Variants in ASAP2 observed in about 807,000 individuals in gnomAD.
ASAP2 encodes arf-GAP with SH3 domain, ANK repeat and PH domain-containing protein 2.
In ASAP2, 45 loss-of-function variants were observed where a neutral mutation model predicts 131.4. The ratio of observed to expected loss-of-function variants is 0.34; its 90% CI spans 0.27 to 0.44. The LOEUF is 0.44. Among genes scored for constraint, ASAP2 ranks in the 20% least tolerant of loss-of-function variants. The pLI is 1.00. For synonymous variants in ASAP2, 510 were observed against 503.0 expected, an observed-to-expected ratio of 1.01 and a Z score of -0.19; for missense variants, 1,011 against 1,297.0, an observed-to-expected ratio of 0.78 and a Z score of 3.39.
chr2:9,271,503 CT>C, intron 1 of ASAP2: 1 of 1,443,274 alleles, frequency 6.9e-7, no homozygotes, highest in Non-Finnish European at 9.8e-7. Flanking sequence ...TAGTAAGGGC[CT>C]TCCTGCCGTT....
chr2:9,219,354 G>C (rs978772767), intron 1 of ASAP2, among the ~76,000 whole-genome samples: 1 of 152,174 alleles, frequency 6.6e-6, no homozygotes, highest in Non-Finnish European at 1.5e-5. Context: ...TTAGGAGAGC[G>C]GGATTGGAGT....
At chr2:9,298,402 G>C (rs1160785850) in intron 3 of ASAP2, among the ~76,000 whole-genome samples, 1 of 152,194 alleles carries the variant, frequency 6.6e-6, no homozygotes, top group Non-Finnish European at 1.5e-5. Context: ...GAGCACTCGG[G>C]CCCTTGCTCT....
At chr2:9,371,936 G>A (rs1228173011) in intron 16 of ASAP2, among the ~76,000 whole-genome samples, 1 of 152,140 alleles carries the variant, frequency 6.6e-6, no homozygotes. Flanking sequence ...CTAACACGGT[G>A]AAACCCCATC....
intron 1 of ASAP2, among the ~76,000 whole-genome samples, chr2:9,252,835 G>A (rs1301338068): frequency 7.0e-6 from 1 of 143,704 alleles, no homozygotes; most frequent in Non-Finnish European, 1.5e-5. Context: ...AGAATGGCAT[G>A]AACCCAGGAG....
chr2:9,357,226 C>G (rs1672771094), intron 14 of ASAP2, among the ~76,000 whole-genome samples: 1 of 151,394 alleles, frequency 6.6e-6, no homozygotes, highest in African/African-American at 2.4e-5. Flanking sequence ...TGCCTGTAAT[C>G]CCGGCACTTT....
At chr2:9,293,897 C>T (rs1026599931) in intron 2 of ASAP2, among the ~76,000 whole-genome samples, 11 of 151,994 alleles carry the variant, frequency 7.2e-5, no homozygotes, top group African/African-American at 2.7e-4. Flanking sequence ...AAACGTAAAT[C>T]CATGAGATGA....
intron 1 of ASAP2, among the ~76,000 whole-genome samples, chr2:9,278,630 C>T (rs535572851): frequency 5.3e-5 from 8 of 152,246 alleles, no homozygotes; most frequent in South Asian, 2.1e-4. Context: ...ACTGTTTGAG[C>T]GCCTCCTATG....
intron 20 of ASAP2, among the ~76,000 whole-genome samples, chr2:9,384,850 C>G (rs1675140071): frequency 1.3e-5 from 2 of 152,204 alleles, no homozygotes; most frequent in Non-Finnish European, 2.9e-5. Flanking sequence ...GTGAGACCCT[C>G]TCTGGGGAGG....
At chr2:9,226,112 G>A (rs935777351) in intron 1 of ASAP2, among the ~76,000 whole-genome samples, 3 of 152,358 alleles carry the variant, frequency 2.0e-5, no homozygotes, top group Admixed American at 6.5e-5. Flanking sequence ...CCTGGGGCAC[G>A]TAAGAGGGGC....
intron 1 of ASAP2, among the ~76,000 whole-genome samples, chr2:9,236,832 G>C (rs1472450154): frequency 6.6e-6 from 1 of 151,818 alleles, no homozygotes; most frequent in African/African-American, 2.4e-5. Flanking sequence ...CTCCTTTCCT[G>C]TGTTGGAGCA....
intron 15 of ASAP2, among the ~76,000 whole-genome samples, chr2:9,360,925 T>C (rs1303269975): frequency 5.9e-5 from 9 of 152,232 alleles, no homozygotes; most frequent in Non-Finnish European, 1.0e-4. Flanking sequence ...CCATCTGTTA[T>C]AATTTTTTAA....
chr2:9,289,162 G>T (rs537577328), intron 2 of ASAP2, among the ~76,000 whole-genome samples: 1 of 152,160 alleles, frequency 6.6e-6, no homozygotes, highest in Non-Finnish European at 1.5e-5. Context: ...GAAGCCTTTT[G>T]GCTGCTCTCC....
intron 6 of ASAP2, among the ~76,000 whole-genome samples, chr2:9,326,149 G>A (rs1670462104): frequency 6.6e-6 from 1 of 152,212 alleles, no homozygotes; most frequent in Non-Finnish European, 1.5e-5. Flanking sequence ...GGGAGGCTGA[G>A]GTGGGAGGAT....
chr2:9,284,177 G>A (rs1393659303), intron 2 of ASAP2, among the ~76,000 whole-genome samples: 1 of 152,178 alleles, frequency 6.6e-6, no homozygotes, highest in Non-Finnish European at 1.5e-5. Flanking sequence ...CAAGTTCCAG[G>A]GATTAGGAGG....
chr2:9,373,984 T>A (rs530379845), intron 16 of ASAP2, among the ~76,000 whole-genome samples: 22 of 152,364 alleles, frequency 1.4e-4, no homozygotes, highest in African/African-American at 5.3e-4. Context: ...CTCATGGTGC[T>A]ACTGTGAGGA....
intron 2 of ASAP2, among the ~76,000 whole-genome samples, chr2:9,290,118 A>G (rs917619613): frequency 1.3e-5 from 2 of 152,182 alleles, no homozygotes; most frequent in African/African-American, 4.8e-5. Flanking sequence ...ATACAGGTAT[A>G]CTCAGTTCCG....
At chr2:9,361,974 C>CGTGTGTGTGTGTGTGTGTGT (rs70948815) in intron 15 of ASAP2, among the ~76,000 whole-genome samples, 8 of 143,170 alleles carry the variant, frequency 5.6e-5, no homozygotes, top group Non-Finnish European at 9.2e-5. Context: ...TCTTTCTCTG[C>CGTGTGTGTGTGTGTGTGTGT]GTGTGTGTGT....
chr2:9,259,035 T>C (rs543854305), intron 1 of ASAP2, among the ~76,000 whole-genome samples: 1 of 152,302 alleles, frequency 6.6e-6, no homozygotes, highest in African/African-American at 2.4e-5. Context: ...TCTGCAGGCC[T>C]GACTGTCCCC....
In ASAP2 at chr2:9,281,917, G is replaced by A. The variant is rs964492486; in HGVS notation, c.199+2528G>A. Among the ~76,000 whole-genome samples the A allele has an allele frequency of 1.3e-5, 2 of 152,120 alleles. No homozygotes were observed. Among genetic ancestry groups the A allele is most frequent in the East Asian group, 1.9e-4 (1 of 5,192 alleles). ...TGCCTGGACTCAGGCCACCTGTCCCGACCCTCCCCACCTGGACTCCTCTGT... is the reference window on the plus strand; with the variant it reads ...TGCCTGGACTCAGGCCACCTGTCCCAACCCTCCCCACCTGGACTCCTCTGT... On this transcript the variant is annotated intron_variant, in intron 2 of 27. Transcript: ENST00000281419. This position sits in a 1 kb window ranked among gnomAD's most constrained non-coding sequence, Gnocchi z 4.0.
Sources: gnomAD v4.1 joint callset for allele counts (sites outside exome capture counted in the v4.1 genomes callset) on GRCh38, gnomAD v4.1.1 for gene constraint, Gnocchi (gnomAD v3.1) non-coding constraint, MANE v1.5 for transcripts, NCBI Gene and HGNC (gene_info 2026-07-23, HGNC 2026-07-21) for gene names.